Variants in IMMP2L observed in about 807,000 individuals in gnomAD.
IMMP2L encodes inner mitochondrial membrane peptidase subunit 2.
Under a neutral mutation model 19.3 loss-of-function variants are expected in IMMP2L, and 18 were observed. The ratio of observed to expected loss-of-function variants is 0.93; its 90% CI spans 0.64 to 1.38. IMMP2L has a LOEUF of 1.38. Among genes scored for constraint, IMMP2L ranks in the 40% most tolerant of loss-of-function variants. IMMP2L has a pLI of 0.00. For missense variants in IMMP2L, 233 were observed against 218.2 expected, an observed-to-expected ratio of 1.07 and a Z score of -0.43; for synonymous variants, 76 against 73.0, an observed-to-expected ratio of 1.04 and a Z score of -0.21.
chr7:111,554,967 G>T (rs1791096698), intron 1 of IMMP2L, among the ~76,000 whole-genome samples: 1 of 151,850 alleles, frequency 6.6e-6, no homozygotes, highest in Admixed American at 6.6e-5. Flanking sequence ...AATTTTTTTT[G>T]TGAAAAATCA....
In IMMP2L at chr7:110,849,589, G is replaced by A. The variant is rs1478261219; in HGVS notation, c.408+37004C>T. On this transcript the variant is annotated intron_variant, in intron 5 of 5. Transcript: ENST00000405709. ...ATTGTCCTTGTAATCAAAGCAAAAT[G>A]TAAATTAAAATAATGATGTTTATCA... Among the ~76,000 whole-genome samples the A allele has an allele frequency of 5.3e-5, 8 of 152,092 alleles. 1 individual carries two copies. Among genetic ancestry groups the A allele is most frequent in the African/African-American group, 1.9e-4 (8 of 41,530 alleles).
chr7:110,981,232 T>C (rs961079504), intron 3 of IMMP2L, among the ~76,000 whole-genome samples: 2 of 152,122 alleles, frequency 1.3e-5, no homozygotes, highest in African/African-American at 4.8e-5. Context: ...TTTTTCTTTT[T>C]TTCTTTAAAT....
At chr7:111,501,930 C>T (rs1415178163) in intron 2 of IMMP2L, among the ~76,000 whole-genome samples, 1 of 152,110 alleles carries the variant, frequency 6.6e-6, no homozygotes, top group African/African-American at 2.4e-5. Context: ...AGCAAAATAA[C>T]CAGCTAACAT....
At chr7:110,752,460 A>G (rs991419804) in intron 5 of IMMP2L, among the ~76,000 whole-genome samples, 2 of 152,068 alleles carry the variant, frequency 1.3e-5, no homozygotes, top group East Asian at 3.9e-4. Context: ...ACACATTTAT[A>G]TATCTAATGA....
chr7:111,027,171 G>A (rs1203512631), intron 3 of IMMP2L, among the ~76,000 whole-genome samples: 1 of 151,946 alleles, frequency 6.6e-6, no homozygotes, highest in Non-Finnish European at 1.5e-5. Flanking sequence ...TTCTCAAATG[G>A]ATTTGATACA....
intron 5 of IMMP2L, among the ~76,000 whole-genome samples, chr7:110,683,575 C>A (rs528284108): frequency 4.3e-4 from 66 of 152,188 alleles, no homozygotes; most frequent in Middle Eastern, 3.4e-3. Context: ...TTTAAACTAT[C>A]ATACAGATTT....
chr7:111,391,178 A>G (rs75845501), intron 3 of IMMP2L, among the ~76,000 whole-genome samples: 1 of 152,246 alleles, frequency 6.6e-6, no homozygotes, highest in African/African-American at 2.4e-5. Flanking sequence ...ATCTCTAGGA[A>G]GCACAGGAAT....
chr7:111,232,438 G>A (rs1813818237), intron 3 of IMMP2L, among the ~76,000 whole-genome samples: 1 of 149,500 alleles, frequency 6.7e-6, no homozygotes, highest in Non-Finnish European at 1.5e-5. Flanking sequence ...AACCTGCAAT[G>A]AACCCAACTC....
At chr7:111,074,292 C>T (rs1795205238) in intron 3 of IMMP2L, among the ~76,000 whole-genome samples, 3 of 152,158 alleles carry the variant, frequency 2.0e-5, no homozygotes, top group South Asian at 4.1e-4. Context: ...GATGACTCAT[C>T]GACTGTCATT....
At chr7:111,048,885 T>A (rs1019284941) in intron 3 of IMMP2L, among the ~76,000 whole-genome samples, 2 of 152,080 alleles carry the variant, frequency 1.3e-5, no homozygotes, top group Non-Finnish European at 2.9e-5. Context: ...CTGGTCGCTG[T>A]CCTCAGAAGA....
intron 5 of IMMP2L, among the ~76,000 whole-genome samples, chr7:110,673,385 A>AT (rs1792059527): frequency 6.6e-6 from 1 of 152,156 alleles, no homozygotes; most frequent in African/African-American, 2.4e-5. Flanking sequence ...CTGTGATGGG[A>AT]GGGGCTGCCA....
Position 111,538,423 on chromosome 7 carries a change from T to G in IMMP2L, c.-2-16974A>C, listed in dbSNP as rs544357289. Among the ~76,000 whole-genome samples the G allele has an allele frequency of 2.0e-5, 3 of 152,134 alleles. No individual in the cohort carries two copies. The South Asian group carries it at 6.2e-4, about 32-fold the overall frequency. ...TGTCTCCATCTCTTACCTGATAGTTTTACTTCACAGCTGAAGATATTTATG... is the reference window on the plus strand; with the variant it reads ...TGTCTCCATCTCTTACCTGATAGTTGTACTTCACAGCTGAAGATATTTATG... On this transcript the variant is annotated intron_variant, in intron 1 of 5. Transcript: ENST00000405709.
At chr7:111,278,347 T>C (rs1478065044) in intron 3 of IMMP2L, among the ~76,000 whole-genome samples, 6 of 152,216 alleles carry the variant, frequency 3.9e-5, no homozygotes, top group East Asian at 3.8e-4. Context: ...ATGGTTTGTA[T>C]GTGCAGCTGG....
intron 4 of IMMP2L, among the ~76,000 whole-genome samples, chr7:110,893,359 G>A (rs1475018651): frequency 2.0e-5 from 3 of 151,912 alleles, no homozygotes; most frequent in Non-Finnish European, 4.4e-5. Context: ...AATAAAACAA[G>A]GTATGACTGT....
chr7:110,763,106 C>G (rs1798450930), intron 5 of IMMP2L, among the ~76,000 whole-genome samples: 1 of 151,966 alleles, frequency 6.6e-6, no homozygotes, highest in Non-Finnish European at 1.5e-5. Context: ...ATGAAGAAAT[C>G]CACATTGGGT....
intron 5 of IMMP2L, among the ~76,000 whole-genome samples, chr7:110,667,312 T>C (rs771372271): frequency 4.6e-5 from 7 of 152,230 alleles, no homozygotes; most frequent in African/African-American, 1.2e-4. Flanking sequence ...TGAATATATA[T>C]AAATTTACAT....
intron 5 of IMMP2L, among the ~76,000 whole-genome samples, chr7:110,720,410 A>G (rs557887192): frequency 1.3e-5 from 2 of 152,296 alleles, no homozygotes; most frequent in South Asian, 4.1e-4. Flanking sequence ...AAGAAATAAA[A>G]GAGGACTAAA....
chr7:111,408,337 A>C (rs1169877840), intron 3 of IMMP2L, among the ~76,000 whole-genome samples: 2 of 151,746 alleles, frequency 1.3e-5, no homozygotes, highest in Non-Finnish European at 2.9e-5. Context: ...GAGAGACTTA[A>C]TTACTGTAGA....
At chr7:111,266,384 A>G (rs1385087146) in intron 3 of IMMP2L, among the ~76,000 whole-genome samples, 2 of 151,986 alleles carry the variant, frequency 1.3e-5, no homozygotes, top group Non-Finnish European at 2.9e-5. Context: ...CCCTATTAAA[A>G]ATACAGTAAT....
Sources: gnomAD v4.1 joint callset for allele counts (sites outside exome capture counted in the v4.1 genomes callset) on GRCh38, gnomAD v4.1.1 for gene constraint, MANE v1.5 for transcripts, NCBI Gene and HGNC (gene_info 2026-07-23, HGNC 2026-07-21) for gene names.